Variants in PTPRS observed in about 807,000 individuals in gnomAD.
PTPRS encodes the protein receptor-type tyrosine-protein phosphatase S.
Under a neutral mutation model 215.3 loss-of-function variants are expected in PTPRS, and 63 were observed. That is an observed-to-expected ratio of 0.29 (90% confidence interval 0.24 to 0.36). PTPRS has a LOEUF of 0.36. PTPRS is among the 10% of genes least tolerant of loss of function. The pLI, the probability that PTPRS is intolerant of heterozygous loss-of-function variation, is 1.00. For missense variants in PTPRS, 2,258 were observed against 2,825.8 expected (o/e 0.80, Z 4.56); for synonymous variants, 1,404 against 1,191.4 (o/e 1.18, Z -3.68).
At chr19:5,310,318 CT>C (rs35505548) in intron 1 of PTPRS, among the ~76,000 whole-genome samples, 28,016 of 133,906 alleles carry the variant, frequency 0.21, 2,161 homozygotes, top group African/African-American at 0.31. Flanking sequence ...TTTTTCTTTT[CT>C]TTTTTTTTTT....
chr19:5,291,597 C>G (rs1231888027), intron 1 of PTPRS, among the ~76,000 whole-genome samples: 1 of 152,100 alleles, frequency 6.6e-6, no homozygotes, highest in Non-Finnish European at 1.5e-5. Flanking sequence ...TTCCCTACCC[C>G]CTCTTCCCGA....
At chr19:5,305,628 C>G (rs922362401) in intron 1 of PTPRS, among the ~76,000 whole-genome samples, 62 of 151,568 alleles carry the variant, frequency 4.1e-4, no homozygotes, top group African/African-American at 1.4e-3. Flanking sequence ...CTTTGGGAGG[C>G]TGAAGTGGTA....
chr19:5,246,180 A>C, intron 9 of PTPRS, 135 bp from the exon 10 acceptor site: 1 of 481,830 alleles, frequency 2.1e-6, no homozygotes, highest in Non-Finnish European at 3.4e-6. Context: ...AGAAAGAAAA[A>C]AAGAAAAAAA....
At chr19:5,246,209 A>G (rs2044473618) in intron 9 of PTPRS, among the ~76,000 whole-genome samples, 164 bp from the exon 10 acceptor site, 3 of 152,220 alleles carry the variant, frequency 2.0e-5, no homozygotes, top group Admixed American at 2.0e-4. Context: ...CCATTTAAAT[A>G]TAAACAGGGC....
chr19:5,328,824 G>A (rs528722771), intron 1 of PTPRS, among the ~76,000 whole-genome samples: 16 of 152,156 alleles, frequency 1.1e-4, no homozygotes, highest in Non-Finnish European at 2.1e-4. Context: ...TCAGGAGGTT[G>A]AGGTCACTGT....
intron 30 of PTPRS, among the ~76,000 whole-genome samples, chr19:5,213,486 T>A (rs2041121533): frequency 6.6e-6 from 1 of 152,220 alleles, no homozygotes; most frequent in Admixed American, 6.5e-5. Context: ...TCCTCCACTT[T>A]ATTTTTCTCC....
chr19:5,331,947 G>A (rs1400676512), intron 1 of PTPRS, among the ~76,000 whole-genome samples: 1 of 152,192 alleles, frequency 6.6e-6, no homozygotes, highest in Non-Finnish European at 1.5e-5. Context: ...GAACCGCAGA[G>A]GTGGCTGGGA....
At chr19:5,321,615 G>A (rs2147218852) in intron 1 of PTPRS, among the ~76,000 whole-genome samples, 1 of 152,372 alleles carries the variant, frequency 6.6e-6, no homozygotes, top group South Asian at 2.1e-4. Flanking sequence ...CCAGAGTGGA[G>A]AAGCCTCAGA....
intron 5 of PTPRS, 56 bp downstream of exon 5, chr19:5,264,952 C>A (rs1328717310): frequency 1.9e-6 from 3 of 1,588,970 alleles, no homozygotes; most frequent in South Asian, 2.3e-5. Context: ...TGGAGATGCT[C>A]CCCACCCCCT....
chr19:5,296,844 C>T (rs2049151166), intron 1 of PTPRS, among the ~76,000 whole-genome samples: 1 of 152,018 alleles, frequency 6.6e-6, no homozygotes, highest in Admixed American at 6.6e-5. Context: ...AGAGGAAGGC[C>T]CTGACTCAGG....
At chr19:5,256,215 A>C (rs1195060772) in intron 8 of PTPRS, 96 bp from the exon 9 acceptor site, 1 of 993,530 alleles carries the variant, frequency 1.0e-6, no homozygotes, top group Non-Finnish European at 1.4e-6. Context: ...GGACTTCCCA[A>C]GGCTAAAAGC....
Position 5,231,574 on chromosome 19 carries a change from G to T in PTPRS, c.1891C>A (p.Arg631Ser), listed in dbSNP as rs779378586. ...PPQDVKCVSV[R>S]STAILVSWRP... ...CAACTTACCAAAATGGCCGTGGAGC[G>T]CACGCTGACACATTTAACGTCTTGA... Residue 631 changes from arginine (R) to serine (S), a missense_variant, in exon 14 of 38, where the codon CGC (arginine) becomes AGC (serine). Physicochemically the swap from Arg to Ser is moderately radical, Grantham distance 110. Around this residue, in one of 6 missense-constraint regions of PTPRS, gnomAD observed 371 missense variants for 446.7 expected, o/e 0.83. Transcript: ENST00000262963. 1 of 1,598,910 alleles carries T rather than the reference G, an allele frequency of 6.3e-7. No individual in the cohort carries two copies. Among genetic ancestry groups the T allele is most frequent in the Non-Finnish European group, 8.5e-7 (1 of 1,176,898 alleles).
rs1405629478 is a variant in PTPRS at position 5,339,754 on chromosome 19, T to TCC, written c.-95+908_-95+909dup. 6.6e-6 allele frequency among the ~76,000 whole-genome samples: 1 copy of TCC among 150,714 alleles called. No individual in the cohort carries two copies. Among genetic ancestry groups the TCC allele is most frequent in the African/African-American group, 2.4e-5 (1 of 40,902 alleles). On this transcript the variant is annotated intron_variant, in intron 1 of 37. Transcript: ENST00000262963. The surrounding 1 kb of genome is among the most constrained non-coding windows in gnomAD (Gnocchi z 4.2). ...GCCCCGCCCCCGGTATGACGTCACC[T>TCC]CCCCTCCCCCCGCAGCCCCCGGGGG...
At chr19:5,286,549 G>T (rs2048368070) in intron 1 of PTPRS, among the ~76,000 whole-genome samples, 1 of 152,128 alleles carries the variant, frequency 6.6e-6, no homozygotes, top group African/African-American at 2.4e-5. Flanking sequence ...TGTCATAAAG[G>T]ATCTCCCAGA....
At chr19:5,222,377 G>T (rs568883589) in intron 18 of PTPRS, among the ~76,000 whole-genome samples, 157 bp from the exon 19 acceptor site, 86 of 151,462 alleles carry the variant, frequency 5.7e-4, no homozygotes, top group African/African-American at 1.9e-3. Context: ...CCCTGGCCCG[G>T]CCCTGCCCTG....
chr19:5,255,884 T>C (rs2146209221), intron 9 of PTPRS, among the ~76,000 whole-genome samples: 1 of 152,350 alleles, frequency 6.6e-6, no homozygotes, highest in Admixed American at 6.5e-5. Flanking sequence ...GATTTTCGTG[T>C]CTTTCTGGGT....
chr19:5,269,119 A>G (rs555233583), intron 4 of PTPRS, among the ~76,000 whole-genome samples: 1 of 152,240 alleles, frequency 6.6e-6, no homozygotes, highest in Admixed American at 6.5e-5. Context: ...TCGTGTGCCT[A>G]CGAGGGAACC....
intron 1 of PTPRS, among the ~76,000 whole-genome samples, chr19:5,317,269 C>G (rs755934691): frequency 2.0e-5 from 3 of 152,008 alleles, no homozygotes; most frequent in Admixed American, 6.6e-5. Flanking sequence ...GTCAAGAGTT[C>G]GAGACCAGCC....
intron 12 of PTPRS, among the ~76,000 whole-genome samples, chr19:5,239,545 G>C (rs2043828400): frequency 6.6e-6 from 1 of 150,728 alleles, no homozygotes; most frequent in South Asian, 2.1e-4. Flanking sequence ...TTGAGAAGGA[G>C]ACAGATACAG....
Sources: allele counts gnomAD v4.1 joint callset (sites outside exome capture counted in the v4.1 genomes callset), GRCh38; gene constraint gnomAD v4.1.1; regional missense constraint gnomAD v4.1.1; non-coding constraint Gnocchi (gnomAD v3.1); transcripts MANE v1.5; gene names NCBI Gene and HGNC (gene_info 2026-07-23, HGNC 2026-07-21).